Variants in ADAM32 observed in about 807,000 individuals in gnomAD.
The protein encoded by ADAM32 is ADAM metallopeptidase domain 32.
ADAM32 carries 89 observed loss-of-function variants against 114.9 expected under a neutral mutation model. The observed-to-expected ratio is 0.77, with a 90% CI of 0.65 to 0.92. The LOEUF is 0.92. Ranked by LOEUF, ADAM32 falls within the 40% of genes least tolerant of loss-of-function variation. The probability of loss-of-function intolerance (pLI) is 0.00; values close to 1 mark genes in which losing one functional copy is unlikely to be tolerated. For synonymous variants in ADAM32, 285 were observed against 307.5 expected, an observed-to-expected ratio of 0.93 and a Z score of 0.77; for missense variants, 870 against 932.8, an observed-to-expected ratio of 0.93 and a Z score of 0.88.
chr8:39,144,157 C>A (rs548280799), intron 3 of ADAM32, among the ~76,000 whole-genome samples: 2 of 152,276 alleles, frequency 1.3e-5, no homozygotes, highest in Admixed American at 6.5e-5. Flanking sequence ...AAAGGTAAAT[C>A]CCCTGACCCC....
chr8:39,210,628 G>T (rs1357487654), intron 11 of ADAM32, among the ~76,000 whole-genome samples: 1 of 152,164 alleles, frequency 6.6e-6, no homozygotes, highest in Admixed American at 6.5e-5. Context: ...TTGCCTTACA[G>T]ATGTTTACTA....
intron 3 of ADAM32, among the ~76,000 whole-genome samples, chr8:39,141,446 A>T (rs1055312064): frequency 5.3e-5 from 8 of 152,084 alleles, no homozygotes; most frequent in Non-Finnish European, 8.8e-5. Context: ...TTTCATTATG[A>T]ACCCAGTAGT....
chr8:39,242,138 C>T (rs1810602459), intron 16 of ADAM32, among the ~76,000 whole-genome samples: 1 of 152,228 alleles, frequency 6.6e-6, no homozygotes, highest in Non-Finnish European at 1.5e-5. Flanking sequence ...CAGTTCCCAA[C>T]AAGTTCCTGA....
chr8:39,121,593 G>A (rs1487070353), intron 2 of ADAM32, among the ~76,000 whole-genome samples: 3 of 152,152 alleles, frequency 2.0e-5, no homozygotes, highest in African/African-American at 7.2e-5. Context: ...AGAACTTGAA[G>A]TATAATAAAA....
In ADAM32 at chr8:39,147,141, C is replaced by A; in HGVS notation, c.212C>A (p.Ala71Glu). 1.0e-6 allele frequency: 1 copy of A among 972,304 alleles called. No individual in the cohort carries two copies. The highest frequency in any genetic ancestry group is 1.7e-5 in the African/African-American group (1 of 59,610). 60.2% of individuals were successfully genotyped at this position (972,304 alleles called of 1,614,324 possible). ...TTTTTTATATTCAGATATTTTTTAG[C>A]AGATAATTTTATGATCTATTTGTAC... ...TVHLKQRYFL[A>E]DNFMIYLYNQ... Residue 71 changes from alanine to glutamate, a missense_variant, in exon 4 of 25, where the codon GCA becomes GAA. Coordinates refer to ENST00000379907, the MANE Select transcript of ADAM32 (RefSeq NM_145004.7).
chr8:39,138,027 C>A (rs568246986), intron 3 of ADAM32, among the ~76,000 whole-genome samples: 1 of 152,066 alleles, frequency 6.6e-6, no homozygotes, highest in Non-Finnish European at 1.5e-5. Context: ...ATGTGTATAT[C>A]GTTTTGAGAA....
At chr8:39,194,109 T>G (rs1198079204) in intron 11 of ADAM32, among the ~76,000 whole-genome samples, 1 of 151,746 alleles carries the variant, frequency 6.6e-6, no homozygotes, top group Non-Finnish European at 1.5e-5. Flanking sequence ...TAGCTCAGGG[T>G]GGGGTGGGAA....
intron 24 of ADAM32, 119 bp downstream of exon 24, chr8:39,283,743 C>A (rs1813592962): frequency 4.9e-6 from 3 of 607,010 alleles, no homozygotes; most frequent in Non-Finnish European, 5.3e-6. Context: ...AAGTACTGCA[C>A]CAATAAATAA....
Position 39,223,095 on chromosome 8 carries a change from C to T in ADAM32, c.1382C>T (p.Ala461Val), listed in dbSNP as rs1809096291. The change falls in exon 14 of 25, where the codon GCT becomes GTT. Residue 461 changes from alanine (A) to valine (V), a missense_variant. By Grantham distance (64) the Ala-to-Val change is moderately conservative. Coordinates refer to ENST00000379907, the MANE Select transcript of ADAM32 (RefSeq NM_145004.7). ...RPKAHPECDI[A>V]ENCNGTSPEC... is the part of the protein sequence containing the mutation. ...AAAGCACATCCTGAATGTGACATCGCTGAAAATTGTAATGGAACCTCACCA... is the reference window on the plus strand; with the variant it reads ...AAAGCACATCCTGAATGTGACATCGTTGAAAATTGTAATGGAACCTCACCA... The T allele has an allele frequency of 6.3e-7, 1 of 1,591,342 alleles. No individual in the cohort carries two copies. The highest frequency in any genetic ancestry group is 8.5e-7 in the Non-Finnish European group (1 of 1,169,874).
intron 11 of ADAM32, among the ~76,000 whole-genome samples, chr8:39,190,574 A>G (rs1242788063): frequency 6.6e-6 from 1 of 152,186 alleles, no homozygotes; most frequent in Non-Finnish European, 1.5e-5. Context: ...ATGTTGTTTG[A>G]TAATAACCAT....
At chr8:39,137,639 C>T (rs1034809534) in intron 3 of ADAM32, among the ~76,000 whole-genome samples, 3 of 151,854 alleles carry the variant, frequency 2.0e-5, no homozygotes, top group Non-Finnish European at 4.4e-5. Context: ...GGCATGGTGG[C>T]GTGCGCCTGT....
chr8:39,132,552 A>T (rs1474155855), intron 2 of ADAM32, among the ~76,000 whole-genome samples: 1 of 152,210 alleles, frequency 6.6e-6, no homozygotes, highest in Non-Finnish European at 1.5e-5. Context: ...TCTTTTAAAG[A>T]CATTGAAAAG....
chr8:39,140,689 C>T (rs993694039), intron 3 of ADAM32, among the ~76,000 whole-genome samples: 1 of 152,062 alleles, frequency 6.6e-6, no homozygotes, highest in Non-Finnish European at 1.5e-5. Flanking sequence ...GGGAGGATTC[C>T]CTCTTTTTCT....
chr8:39,222,298 G>A (rs905492628), intron 13 of ADAM32, among the ~76,000 whole-genome samples: 1 of 151,974 alleles, frequency 6.6e-6, no homozygotes, highest in African/African-American at 2.4e-5. Context: ...GAATACCTCT[G>A]TTGAATTATC....
At chr8:39,241,459 C>T (rs577996603) in intron 16 of ADAM32, among the ~76,000 whole-genome samples, 2 of 152,320 alleles carry the variant, frequency 1.3e-5, no homozygotes, top group Admixed American at 6.5e-5. Flanking sequence ...ATGAGGGCTC[C>T]ACTCCTGCAG....
chr8:39,132,249 G>T (rs1303728808), intron 2 of ADAM32, among the ~76,000 whole-genome samples: 1 of 152,096 alleles, frequency 6.6e-6, no homozygotes, highest in Non-Finnish European at 1.5e-5. Context: ...CTGCTTTTTG[G>T]TTTGGATTTC....
At chr8:39,154,487 C>A (rs930306519) in intron 6 of ADAM32, among the ~76,000 whole-genome samples, 2 of 152,086 alleles carry the variant, frequency 1.3e-5, no homozygotes, top group African/African-American at 2.4e-5. Flanking sequence ...GTGAACAGTG[C>A]AGCAATAAAC....
chr8:39,254,303 G>A (rs776316497), intron 17 of ADAM32, 111 bp from the exon 18 acceptor site: 42 of 797,150 alleles, frequency 5.3e-5, no homozygotes, highest in Middle Eastern at 2.8e-4. Flanking sequence ...TGAGACTGTC[G>A]CTCTAAATAA....
At chr8:39,111,720 C>CAAAAA (rs11343568) in intron 1 of ADAM32, among the ~76,000 whole-genome samples, 1 of 78,298 alleles carries the variant, frequency 1.3e-5, no homozygotes, top group African/African-American at 4.7e-5. Flanking sequence ...GACTCTTTCT[C>CAAAAA]AAAAAAAAAA....
Sources: gnomAD v4.1 joint callset for allele counts (sites outside exome capture counted in the v4.1 genomes callset) on GRCh38, gnomAD v4.1.1 for gene constraint, MANE v1.5 for transcripts, NCBI Gene and HGNC (gene_info 2026-07-23, HGNC 2026-07-21) for gene names.